The following OBSL1 variants were observed in gnomAD, a reference collection of about 807,000 sequenced individuals.
OBSL1 encodes the protein obscurin-like protein 1.
A neutral mutation model predicts 172.0 loss-of-function variants in OBSL1; 160 were observed. The observed-to-expected ratio is 0.93, with a 90% CI of 0.82 to 1.06. The LOEUF (loss-of-function observed/expected upper bound fraction) is 1.06. OBSL1 is among the 50% of genes least tolerant of loss of function. The pLI is 0.00. For synonymous variants in OBSL1, 1,200 were observed against 1,196.3 expected (o/e 1.00, Z -0.06); for missense variants, 2,681 against 2,715.4 (o/e 0.99, Z 0.28).
chr2:219,552,737 G>T, intron 17 of OBSL1, 40 bp from the exon 18 acceptor site: 1 of 1,513,828 alleles, frequency 6.6e-7, no homozygotes, highest in Non-Finnish European at 8.9e-7. Context: ...CGGGGCAGAG[G>T]GCAGTTACCG....
chr2:219,564,415 T>C (rs1414757219), intron 6 of OBSL1, among the ~76,000 whole-genome samples: 1 of 152,250 alleles, frequency 6.6e-6, no homozygotes, highest in Non-Finnish European at 1.5e-5. Flanking sequence ...CATAACCTCT[T>C]ACAGCCTCCA....
chr2:219,557,463 G>T lies in OBSL1; in HGVS notation c.3946C>A (p.Gln1316Lys). 6.5e-7 allele frequency: 1 copy of T among 1,548,504 alleles called. No homozygotes were observed. Residue 1316 changes from glutamine to lysine, a missense_variant, in exon 12 of 21, where the codon CAG (glutamine) becomes AAG (lysine). Physicochemically the swap from Gln to Lys is moderately conservative, Grantham distance 53. Around this residue, in one of 5 missense-constraint regions of OBSL1, gnomAD observed 1,765 missense variants for 1,748.3 expected, o/e 1.01. Transcript: ENST00000404537. The stretch of plus-strand genomic sequence containing the variant: ...TGCCTGGCCCCGGCCTGCTCCAGCT[G>T]CACCCGCCCCTGGCTTGCCAGTCGC... ...GERLASQGRVQLEQAGARQVL... is the reference protein window; with the variant it reads ...GERLASQGRVKLEQAGARQVL...
At position 219,568,347 on chromosome 2, in the gene OBSL1, CAA is replaced by C. The variant is rs765602103; in HGVS notation, c.1013-25_1013-24del. ...GCTCTGTGGAGAGGGGAGAGAGAGA[CAA>C]GAGAGGGCTCTGGAGAAGGCCCAGA... is the stretch of plus-strand genomic sequence containing the variant. On this transcript the variant is annotated intron_variant, in intron 1 of 20. Coordinates refer to ENST00000404537, the MANE Select transcript of OBSL1 (RefSeq NM_015311.3). The surrounding 1 kb of genome is among the most constrained non-coding windows in gnomAD (Gnocchi z 4.1). 3.8e-6 allele frequency: 6 copies of C among 1,582,314 alleles called. No individual in the cohort carries two copies. Among genetic ancestry groups the C allele is most frequent in the South Asian group, 2.3e-5 (2 of 87,894 alleles).
At position 219,562,621 on chromosome 2, in the gene OBSL1, G is replaced by A. The variant is rs528080865; in HGVS notation, c.2734C>T (p.Arg912Cys). 1.3e-4 allele frequency: 202 copies of A among 1,593,058 alleles called. No individual in the cohort carries two copies. Among genetic ancestry groups the A allele is most frequent in the East Asian group, 2.3e-4 (10 of 43,696 alleles). Residue 912 changes from arginine (R) to cysteine (C), a missense_variant, in exon 8 of 21, where the codon CGC becomes TGC. Arg to Cys is a radical substitution (Grantham distance 180, BLOSUM62 -3). This residue lies in a region of OBSL1 where 1,765 missense variants were observed against 1,748.3 expected (regional missense o/e 1.01). Transcript: ENST00000404537. ...PSGKVYVAAVRLERVVLTCEL... is the reference protein window; with the variant it reads ...PSGKVYVAAVCLERVVLTCEL... ...CAGGTCAGCACCACACGCTCCAGGC[G>A]CACGGCTGCCACATACACCTTGCCG...
chr2:219,559,136 G>A, intron 9 of OBSL1, 89 bp downstream of exon 9: 1 of 1,251,822 alleles, frequency 8.0e-7, no homozygotes, highest in Non-Finnish European at 1.1e-6. Flanking sequence ...GAAGGCTGGG[G>A]ATGGGGTGGG....
intron 14 of OBSL1, among the ~76,000 whole-genome samples, chr2:219,554,972 G>A (rs1417665803): frequency 1.3e-5 from 2 of 152,078 alleles, no homozygotes; most frequent in African/African-American, 4.8e-5. Context: ...GAGAAGTGTG[G>A]TTAGGGGGTC....
intron 12 of OBSL1, 51 bp from the exon 13 acceptor site, chr2:219,556,774 C>A: frequency 6.6e-7 from 1 of 1,508,000 alleles, no homozygotes. Context: ...TCTTCTCTCT[C>A]CTTTTCATCC....
At position 219,563,465 on chromosome 2, in the gene OBSL1, T is replaced by C. The variant is rs749673317; in HGVS notation, c.2570A>G (p.Asn857Ser). The change falls in exon 7 of 21, where the codon AAT becomes AGT. Residue 857 changes from asparagine to serine, a missense_variant. Physicochemically the swap from Asn to Ser is conservative, Grantham distance 46 (BLOSUM62 1). This residue lies in a region of OBSL1 where 1,765 missense variants were observed against 1,748.3 expected (regional missense o/e 1.01). Transcript: ENST00000404537. ...VEESDFVVLE[N>S]EGPHRRLVLP... is the part of the protein sequence containing the mutation. ...CACCAGGCGGCGATGGGGCCCCTCA[T>C]TCTCCAGCACCACGAAGTCACTCTC... 6 of 1,613,840 alleles carry C rather than the reference T, an allele frequency of 3.7e-6. No homozygotes were observed. The South Asian group carries it at 6.6e-5, about 18-fold the overall frequency.
At chr2:219,551,142 A>C (rs991668815) in intron 20 of OBSL1, 38 of 1,398,348 alleles carry the variant, frequency 2.7e-5, no homozygotes, top group Non-Finnish European at 3.5e-5. Flanking sequence ...TGAGATGGGC[A>C]GAGGCAAGCT....
chr2:219,567,273 C>G lies in OBSL1; in HGVS notation c.1837G>C (p.Val613Leu). The G allele has an allele frequency of 6.3e-7, 1 of 1,589,000 alleles. No homozygotes were observed. Among genetic ancestry groups the G allele is most frequent in the Non-Finnish European group, 8.6e-7 (1 of 1,163,178 alleles). The part of the protein sequence containing the change: ...HVVFHGSAHL[V>L]PTARLVAGLE... ...GGTGGGTCTGGCAGGACCAACTCAC[C>G]AAGGTGAGCAGAACCGTGGAACACC... Residue 613 changes from valine to leucine, a missense_variant and splice_region_variant, in exon 4 of 21, where the codon GTG becomes CTG. Physicochemically the swap from Val to Leu is conservative, Grantham distance 32. Transcript: ENST00000404537.
At chr2:219,556,845 T>C in intron 12 of OBSL1, 122 bp from the exon 13 acceptor site, 1 of 1,103,440 alleles carries the variant, frequency 9.1e-7, no homozygotes, top group Non-Finnish European at 1.3e-6. Flanking sequence ...GAGGACCTAC[T>C]ATGTATCGAC....
Position 219,552,634 on chromosome 2 carries a change from G to C in OBSL1, c.5210C>G (p.Thr1737Arg). ...GACCTCCGACACGGTGCACTCGAACGTAGCGCCGTCGCCTTCGCGGGCGCT... is the reference window on the plus strand; with the variant it reads ...GACCTCCGACACGGTGCACTCGAACCTAGCGCCGTCGCCTTCGCGGGCGCT... ...SVSAREGDGA[T>R]FECTVSEVET... Residue 1737 changes from threonine (T) to arginine (R), a missense_variant, in exon 18 of 21, where the codon ACG becomes AGG. By Grantham distance (71) the Thr-to-Arg change is moderately conservative (BLOSUM62 -1). Coordinates refer to ENST00000404537, the MANE Select transcript of OBSL1 (RefSeq NM_015311.3). 2 of 1,560,014 alleles carry C rather than the reference G, an allele frequency of 1.3e-6. No individual in the cohort carries two copies. The highest frequency in any genetic ancestry group is 1.7e-6 in the Non-Finnish European group (2 of 1,158,006).
At chr2:219,550,950 C>A in intron 20 of OBSL1, 108 bp from the exon 21 acceptor site, 1 of 1,546,342 alleles carries the variant, frequency 6.5e-7, no homozygotes, top group South Asian at 1.2e-5. Context: ...CCCCCAGGTT[C>A]TGCCCTACCC....
rs1697266605 is a variant in OBSL1, at chr2:219,570,509, C to G, written c.724G>C (p.Ala242Pro). The change falls in exon 1 of 21, where the codon GCG becomes CCG. Residue 242 changes from alanine (A) to proline (P), a missense_variant. Around this residue, in one of 5 missense-constraint regions of OBSL1, gnomAD observed 706 missense variants for 695.8 expected, o/e 1.01. Transcript: ENST00000404537. ...CACTTGAGCGGCTCCACCACCGGCG[C>G]GGGGGCCTCGTCGGGGTCCGCGGGC... ...SPPADPDEAP[A>P]PVVEPLKCAP... The G allele has an allele frequency of 1.2e-6, 2 of 1,610,730 alleles. No homozygotes were observed. The highest frequency in any genetic ancestry group is 1.1e-5 in the South Asian group (1 of 90,918).
chr2:219,547,741 G>A (rs754536585), downstream of OBSL1: 5 of 1,592,468 alleles, frequency 3.1e-6, no homozygotes, highest in Admixed American at 6.7e-5. Context: ...CTGCTGCCCT[G>A]CTGGGCTCCG....
rs776801253 is a variant in OBSL1 at position 219,556,195 on chromosome 2, C to T, written c.4434G>A (p.Ala1478=). The T allele has an allele frequency of 1.6e-5, 25 of 1,612,120 alleles. No homozygotes were observed. The East Asian group carries it at 3.6e-4, about 23-fold the overall frequency. Residue 1478 remains alanine, a synonymous_variant, in exon 14 of 21, where the codon GCG becomes GCA. Transcript: ENST00000404537. ...CACCTCGCACCCAGCGCACGGCCCCCGCTGCACCCACTCGGCCTGTCTCCA... is the reference window on the plus strand; with the variant it reads ...CACCTCGCACCCAGCGCACGGCCCCTGCTGCACCCACTCGGCCTGTCTCCA... ...LEVETGRVGA[A]GAVRWVRGGQ... is the part of the protein sequence containing the mutation.
intron 20 of OBSL1, 142 bp downstream of exon 20, chr2:219,551,382 ACCCCT>A: frequency 6.6e-6 from 9 of 1,362,866 alleles, no homozygotes; most frequent in Non-Finnish European, 8.7e-6. Flanking sequence ...GGTGTGCTCT[ACCCCT>A]CCCCTCCCCC....
chr2:219,563,276 G>A, intron 7 of OBSL1, 79 bp downstream of exon 7: 1 of 1,400,446 alleles, frequency 7.1e-7, no homozygotes, highest in Non-Finnish European at 9.5e-7. Flanking sequence ...CAGTGGCCTG[G>A]GAGTGAAGGT....
chr2:219,563,640 C>G lies in OBSL1; in HGVS notation c.2408-13G>C. 6.2e-7 allele frequency: 1 copy of G among 1,606,912 alleles called. No homozygotes were observed. Among genetic ancestry groups the G allele is most frequent in the Non-Finnish European group, 8.5e-7 (1 of 1,175,210 alleles). On this transcript the variant is annotated splice_polypyrimidine_tract_variant and intron_variant, in intron 6 of 20. Transcript: ENST00000404537. Reference sequence around the variant, plus strand: ...TGCACGGGAGGATCTGGGTGGGAAGCAGAGATGGCATTGCACAGACACCCC... The same window carrying G: ...TGCACGGGAGGATCTGGGTGGGAAGGAGAGATGGCATTGCACAGACACCCC...
Sources: gnomAD v4.1 joint callset for allele counts (sites outside exome capture counted in the v4.1 genomes callset) on GRCh38, gnomAD v4.1.1 for gene constraint, gnomAD v4.1.1 regional missense constraint, Gnocchi (gnomAD v3.1) non-coding constraint, MANE v1.5 for transcripts, NCBI Gene and HGNC (gene_info 2026-07-23, HGNC 2026-07-21) for gene names.